Variants in PTP4A3 observed in about 807,000 individuals in gnomAD.
PTP4A3 encodes protein tyrosine phosphatase 4A3.
In PTP4A3, 9 loss-of-function variants were observed where a neutral mutation model predicts 15.2. The observed-to-expected ratio is 0.59, with a 90% CI of 0.36 to 1.03. PTP4A3 has a LOEUF of 1.03. Among genes scored for constraint, PTP4A3 ranks in the 50% least tolerant of loss-of-function variants. PTP4A3 has a pLI of 0.02. For missense variants in PTP4A3, 234 were observed against 252.1 expected (o/e 0.93, Z 0.49); for synonymous variants, 95 against 102.0 (o/e 0.93, Z 0.41).
chr8:141,393,213 C>T (rs1483083547), intron 1 of PTP4A3, among the ~76,000 whole-genome samples: 1 of 152,142 alleles, frequency 6.6e-6, no homozygotes, highest in Non-Finnish European at 1.5e-5. Context: ...CTGAGGCCCA[C>T]AAAGGTGGAG....
chr8:141,421,972 G>T lies in PTP4A3; in HGVS notation c.-269G>T, dbSNP rs553253644. On this transcript the variant is annotated 5_prime_UTR_variant, in exon 2 of 6. Coordinates refer to ENST00000521578, the MANE Select transcript of PTP4A3 (RefSeq NM_032611.3). ...GCTTTACTTTGGTTGGGTTGGGGGG[G>T]GCGGCGGGCTGTTTTGTTCCTTTTC... 3.2e-4 allele frequency: 139 copies of T among 437,762 alleles called. 2 individuals are homozygous for T. The Middle Eastern group carries it at 4.7e-3, about 15-fold the overall frequency. The allele number at this position is 437,762 out of a possible 1,614,324, so 27.1% of individuals were successfully genotyped here.
At chr8:141,416,008 A>G (rs183233383) in intron 1 of PTP4A3, among the ~76,000 whole-genome samples, 2 of 152,118 alleles carry the variant, frequency 1.3e-5, no homozygotes, top group East Asian at 1.9e-4. Context: ...GACTTCTCCG[A>G]AAGGCCTGGG....
intron 4 of PTP4A3, 105 bp downstream of exon 4, chr8:141,427,174 C>G: frequency 6.7e-7 from 1 of 1,494,718 alleles, no homozygotes; most frequent in Non-Finnish European, 8.9e-7. Flanking sequence ...GTCCACGCGA[C>G]CTTCCCAGGA....
At chr8:141,412,890 G>T (rs542243465) in intron 1 of PTP4A3, among the ~76,000 whole-genome samples, 27 of 152,352 alleles carry the variant, frequency 1.8e-4, no homozygotes, top group African/African-American at 6.3e-4. Flanking sequence ...GCAGTTCCCA[G>T]GGGGCACCTG....
intron 1 of PTP4A3, among the ~76,000 whole-genome samples, chr8:141,395,839 G>A (rs537460535): frequency 1.3e-5 from 2 of 152,234 alleles, no homozygotes; most frequent in East Asian, 3.9e-4. Flanking sequence ...CATGCCCCCC[G>A]GCTCCTCTCC....
At chr8:141,419,671 A>G (rs1833238147) in intron 1 of PTP4A3, among the ~76,000 whole-genome samples, 1 of 150,916 alleles carries the variant, frequency 6.6e-6, no homozygotes, top group African/African-American at 2.4e-5. Flanking sequence ...TCCAGGGTTC[A>G]AGCGATTCTC....
intron 2 of PTP4A3, 146 bp downstream of exon 2, chr8:141,422,491 T>TA: frequency 1.2e-6 from 1 of 861,492 alleles, no homozygotes; most frequent in South Asian, 1.6e-5. Context: ...AGTCGCCTGT[T>TA]ACAGGATCCT....
At chr8:141,415,388 A>AG (rs1832999821) in intron 1 of PTP4A3, among the ~76,000 whole-genome samples, 1 of 150,898 alleles carries the variant, frequency 6.6e-6, no homozygotes, top group Non-Finnish European at 1.5e-5. Flanking sequence ...CCGCTGTTAC[A>AG]GGGCCCTAGG....
chr8:141,430,497 C>T (rs1452559348), intron 5 of PTP4A3, among the ~76,000 whole-genome samples: 2 of 152,194 alleles, frequency 1.3e-5, no homozygotes. Context: ...AGCATGCAGC[C>T]CAGGTCCCTG....
chr8:141,422,372 C>T, intron 2 of PTP4A3, 27 bp downstream of exon 2: 2 of 1,611,420 alleles, frequency 1.2e-6, no homozygotes, highest in Non-Finnish European at 1.7e-6. Flanking sequence ...GTGTGGCAGG[C>T]AGGTGGCCCA....
At chr8:141,419,367 G>A (rs765848414) in intron 1 of PTP4A3, among the ~76,000 whole-genome samples, 13 of 152,264 alleles carry the variant, frequency 8.5e-5, no homozygotes, top group Non-Finnish European at 1.3e-4. Context: ...ACATGAGCTC[G>A]GCTCCCGTGT....
chr8:141,424,902 A>G, intron 2 of PTP4A3, 146 bp from the exon 3 acceptor site: 1 of 674,734 alleles, frequency 1.5e-6, no homozygotes, highest in Non-Finnish European at 2.5e-6. Flanking sequence ...ACAGGGCTCC[A>G]CCCCGAGAGG....
chr8:141,420,757 G>GGGGCT (rs1239487981), intron 1 of PTP4A3, among the ~76,000 whole-genome samples: 1 of 152,240 alleles, frequency 6.6e-6, no homozygotes, highest in African/African-American at 2.4e-5. Context: ...TGGTGGACAG[G>GGGGCT]GGGCTGCTGA....
At chr8:141,423,278 C>T (rs1229882649) in intron 2 of PTP4A3, among the ~76,000 whole-genome samples, 1 of 152,246 alleles carries the variant, frequency 6.6e-6, no homozygotes. Flanking sequence ...CAGAAGATGG[C>T]TGTCCCTCTC....
intron 1 of PTP4A3, among the ~76,000 whole-genome samples, chr8:141,408,493 C>G (rs1387463387): frequency 2.6e-5 from 4 of 152,146 alleles, no homozygotes; most frequent in Non-Finnish European, 1.5e-5. Flanking sequence ...GTCATGGGCG[C>G]CCGTAATTCC....
intron 5 of PTP4A3, among the ~76,000 whole-genome samples, chr8:141,429,419 G>T (rs1833741737): frequency 6.6e-6 from 1 of 152,290 alleles, no homozygotes; most frequent in South Asian, 2.1e-4. Context: ...CTCAGGTGTG[G>T]CTGCAGCATC....
intron 1 of PTP4A3, among the ~76,000 whole-genome samples, chr8:141,415,586 CAT>C (rs1833007976): frequency 7.7e-6 from 1 of 129,386 alleles, no homozygotes; most frequent in Non-Finnish European, 1.7e-5. Flanking sequence ...CCGCCTCCCA[CAT>C]GACTCCGGGT....
At position 141,425,752 on chromosome 8, in the gene PTP4A3, G is replaced by A. The variant is rs745715340; in HGVS notation, c.198+612G>A. On this transcript the variant is annotated intron_variant, in intron 3 of 5. Coordinates refer to ENST00000521578, the MANE Select transcript of PTP4A3 (RefSeq NM_032611.3). The surrounding 1 kb of genome is among the most constrained non-coding windows in gnomAD (Gnocchi z 4.2). ...GCCTGGGCCTCAGTCTCCTCAGTGC[G>A]GAGCACCCCTCAGTCACTGCTTTTC... Among the ~76,000 whole-genome samples the A allele has an allele frequency of 1.3e-5, 2 of 152,324 alleles. No homozygotes were observed. The highest frequency in any genetic ancestry group is 2.4e-5 in the African/African-American group (1 of 41,566).
rs866430216 is a variant in PTP4A3, at chr8:141,425,802, G to T, written c.198+662G>T. 1.1e-4 allele frequency among the ~76,000 whole-genome samples: 16 copies of T among 152,228 alleles called. No individual in the cohort carries two copies. Among genetic ancestry groups the T allele is most frequent in the African/African-American group, 3.6e-4 (15 of 41,462 alleles). ...CATCCCAGGACTCTGCTTTTGGCTG[G>T]GGTTGCAGTTTTGTGACCTCAGCTT... On this transcript the variant is annotated intron_variant, in intron 3 of 5. Transcript: ENST00000521578. The surrounding 1 kb of genome is among the most constrained non-coding windows in gnomAD (Gnocchi z 4.2).
Sources: gnomAD v4.1 joint callset for allele counts (sites outside exome capture counted in the v4.1 genomes callset) on GRCh38, gnomAD v4.1.1 for gene constraint, Gnocchi (gnomAD v3.1) non-coding constraint, MANE v1.5 for transcripts, NCBI Gene and HGNC (gene_info 2026-07-23, HGNC 2026-07-21) for gene names.